Variants in MLXIP observed in about 807,000 individuals in gnomAD.
MLXIP encodes the protein MLX interacting protein.
A neutral mutation model predicts 87.2 loss-of-function variants in MLXIP; 30 were observed. The observed-to-expected ratio is 0.34, with a 90% CI of 0.26 to 0.47. MLXIP has a LOEUF of 0.47. Among genes scored for constraint, MLXIP ranks in the 20% least tolerant of loss-of-function variants. The pLI, the probability that MLXIP is intolerant of heterozygous loss-of-function variation, is 1.00. For synonymous variants in MLXIP, 530 were observed against 514.0 expected (o/e 1.03, Z -0.42); for missense variants, 1,002 against 1,240.1 (o/e 0.81, Z 2.88).
At chr12:122,141,179 GCAGC>G in intron 16 of MLXIP, 96 bp downstream of exon 16, 1 of 1,463,196 alleles carries the variant, frequency 6.8e-7, no homozygotes, top group South Asian at 1.4e-5. Context: ...TCCACTGCAG[GCAGC>G]CAGGTGGGGC....
intron 1 of MLXIP, among the ~76,000 whole-genome samples, chr12:122,095,620 T>C (rs1397759204): frequency 2.0e-5 from 3 of 152,116 alleles, no homozygotes; most frequent in Non-Finnish European, 4.4e-5. Flanking sequence ...TACTCATTGT[T>C]ATTTCTCTAT....
At chr12:122,101,449 CT>C (rs201053521) in intron 1 of MLXIP, among the ~76,000 whole-genome samples, 27 of 148,968 alleles carry the variant, frequency 1.8e-4, no homozygotes, top group Non-Finnish European at 2.7e-4. Flanking sequence ...TAATATATGT[CT>C]TTTTTTTTCT....
At chr12:122,094,793 T>C (rs1952322742) in intron 1 of MLXIP, among the ~76,000 whole-genome samples, 2 of 136,638 alleles carry the variant, frequency 1.5e-5, no homozygotes, top group African/African-American at 2.8e-5. Flanking sequence ...GGGGTGTGTG[T>C]TATGTGTGTG....
At chr12:122,080,953 G>A (rs564330447) in intron 1 of MLXIP, among the ~76,000 whole-genome samples, 2 of 152,188 alleles carry the variant, frequency 1.3e-5, no homozygotes, top group African/African-American at 4.8e-5. Context: ...GATGAGTCAC[G>A]GGGGGCATGG....
chr12:122,097,080 C>T (rs1344408024), intron 1 of MLXIP, among the ~76,000 whole-genome samples: 1 of 152,242 alleles, frequency 6.6e-6, no homozygotes, highest in Non-Finnish European at 1.5e-5. Flanking sequence ...TGTGGTGCTT[C>T]CGTGGGCCTG....
At chr12:122,096,535 C>T (rs979502725) in intron 1 of MLXIP, among the ~76,000 whole-genome samples, 31 of 152,320 alleles carry the variant, frequency 2.0e-4, no homozygotes, top group African/African-American at 6.5e-4. Flanking sequence ...CTCCTTGTCC[C>T]ACTGTCCCAC....
intron 1 of MLXIP, among the ~76,000 whole-genome samples, chr12:122,097,902 C>T (rs1593069769): frequency 6.6e-6 from 1 of 151,866 alleles, no homozygotes; most frequent in East Asian, 1.9e-4. Flanking sequence ...AAGCAAAGAA[C>T]CCAGTTAGCA....
rs377364816 is a variant in MLXIP at position 122,135,175 on chromosome 12, A to T, written c.1733-49A>T. 184 of 1,602,480 alleles carry T rather than the reference A, an allele frequency of 1.1e-4. No individual in the cohort carries two copies. Among genetic ancestry groups the T allele is most frequent in the Non-Finnish European group, 1.4e-4 (167 of 1,174,976 alleles). ...AGAGGCAGCCTCTGCAGGGTGGGCC[A>T]GGCCCTGTGGCCCAGGGCTGCACCT... On this transcript the variant is annotated intron_variant, in intron 9 of 16. Transcript: ENST00000319080. This position sits in a 1 kb window ranked among gnomAD's most constrained non-coding sequence, Gnocchi z 5.3.
At chr12:122,103,905 G>A (rs1376268809) in intron 1 of MLXIP, among the ~76,000 whole-genome samples, 1 of 151,420 alleles carries the variant, frequency 6.6e-6, no homozygotes, top group Admixed American at 6.6e-5. Flanking sequence ...TAACTTCTGG[G>A]CTCATGTGAT....
intron 1 of MLXIP, among the ~76,000 whole-genome samples, chr12:122,105,929 T>C (rs1211873667): frequency 2.0e-5 from 3 of 152,218 alleles, no homozygotes; most frequent in Non-Finnish European, 4.4e-5. Context: ...TTTTGGACTA[T>C]AGGTTCAGAC....
In MLXIP at chr12:122,146,700, C is replaced by A. The variant is rs938719954; in HGVS notation, c.*4888C>A. On this transcript the variant is annotated 3_prime_UTR_variant, in exon 17 of 17. Coordinates refer to ENST00000319080, the MANE Select transcript of MLXIP (RefSeq NM_014938.6). Reference sequence around the variant, plus strand: ...TTGTTTTGTGAAATTCCCCTCCAATCGTGTCAGAATTTACCTCCATGCCCC... The same window carrying A: ...TTGTTTTGTGAAATTCCCCTCCAATAGTGTCAGAATTTACCTCCATGCCCC... 7 of 152,160 alleles carry A rather than the reference C, an allele frequency of 4.6e-5. No individual in the cohort carries two copies. The highest frequency in any genetic ancestry group is 1.7e-4 in the African/African-American group (7 of 41,414). 9.4% of individuals were successfully genotyped at this position (152,160 alleles called of 1,614,324 possible).
rs1329700854 is a variant in MLXIP, at chr12:122,135,591, G to C, written c.1957G>C (p.Ala653Pro). ...CGTCTCCCGGCTCTTCCCAAGCACA[G>C]CGCAAGACCCCCTGGGGAAGGGCGA... is the stretch of plus-strand genomic sequence containing the variant. ...APVSRLFPST[A>P]QDPLGKGEQV... The change falls in exon 11 of 17, where the codon GCG (alanine) becomes CCG (proline). Residue 653 changes from alanine to proline, a missense_variant. By Grantham distance (27) the Ala-to-Pro change is conservative (BLOSUM62 -1). Transcript: ENST00000319080. The surrounding 1 kb of genome is among the most constrained non-coding windows in gnomAD (Gnocchi z 5.3). 1.9e-6 allele frequency: 3 copies of C among 1,589,518 alleles called. No homozygotes were observed. The highest frequency in any genetic ancestry group is 3.5e-5 in the Admixed American group (2 of 56,400).
At chr12:122,098,135 T>G (rs1162404065) in intron 1 of MLXIP, among the ~76,000 whole-genome samples, 1 of 152,250 alleles carries the variant, frequency 6.6e-6, no homozygotes, top group Non-Finnish European at 1.5e-5. Context: ...TGCTGGCTCC[T>G]TGGAGCTATG....
chr12:122,080,902 T>G (rs1248435654), intron 1 of MLXIP, among the ~76,000 whole-genome samples: 5 of 152,166 alleles, frequency 3.3e-5, no homozygotes, highest in Non-Finnish European at 7.3e-5. Flanking sequence ...AATCCTCTTC[T>G]TTATTTTAAT....
intron 1 of MLXIP, among the ~76,000 whole-genome samples, 181 bp downstream of exon 1, chr12:122,079,447 C>G (rs1952060184): frequency 6.6e-6 from 1 of 152,222 alleles, no homozygotes; most frequent in Non-Finnish European, 1.5e-5. Flanking sequence ...GGGTCCTGGC[C>G]TCTTCCCCTG....
chr12:122,107,452 CTAGAGGCTT>C (rs1952538910), intron 1 of MLXIP, among the ~76,000 whole-genome samples: 1 of 152,064 alleles, frequency 6.6e-6, no homozygotes, highest in African/African-American at 2.4e-5. Flanking sequence ...CCACAGTGGC[CTAGAGGCTT>C]TAATTGTGCG....
chr12:122,137,302 G>T lies in MLXIP; in HGVS notation c.2033-167G>T. ...GTTGTTATTAATTTAAGATTTTCAG[G>T]GAGTGAATAAGAATAATCTAAGGAA... is the stretch of plus-strand genomic sequence containing the variant. On this transcript the variant is annotated intron_variant, in intron 11 of 16. Transcript: ENST00000319080. This position sits in a 1 kb window ranked among gnomAD's most constrained non-coding sequence, Gnocchi z 4.1. 1 of 626,832 alleles carries T rather than the reference G, an allele frequency of 1.6e-6. No homozygotes were observed. The highest frequency in any genetic ancestry group is 2.5e-6 in the Non-Finnish European group (1 of 396,810). The allele number at this position is 626,832 out of a possible 1,614,324, so 38.8% of individuals were successfully genotyped here.
chr12:122,088,193 C>T (rs974415607), intron 1 of MLXIP, among the ~76,000 whole-genome samples: 2 of 152,186 alleles, frequency 1.3e-5, no homozygotes, highest in African/African-American at 4.8e-5. Flanking sequence ...TCCCCCTCTG[C>T]TGTCCCTCTC....
Position 122,141,880 on chromosome 12 carries a change from C to T in MLXIP, c.*68C>T, listed in dbSNP as rs1036150102. 1.2e-4 allele frequency: 193 copies of T among 1,585,378 alleles called. No homozygotes were observed. The highest frequency in any genetic ancestry group is 1.6e-4 in the Non-Finnish European group (181 of 1,166,712). On this transcript the variant is annotated 3_prime_UTR_variant, in exon 17 of 17. Coordinates refer to ENST00000319080, the MANE Select transcript of MLXIP (RefSeq NM_014938.6). Reference sequence around the variant, plus strand: ...TTCCCTGCCCATGGAGAGTAGGCTGCGCCCCCCAGCCCTTCCTGACGCTCA... The same window carrying T: ...TTCCCTGCCCATGGAGAGTAGGCTGTGCCCCCCAGCCCTTCCTGACGCTCA...
Sources: allele counts gnomAD v4.1 joint callset (sites outside exome capture counted in the v4.1 genomes callset), GRCh38; gene constraint gnomAD v4.1.1; non-coding constraint Gnocchi (gnomAD v3.1); transcripts MANE v1.5; gene names NCBI Gene and HGNC (gene_info 2026-07-23, HGNC 2026-07-21).